The following FTO variants were observed in gnomAD, a reference collection of about 807,000 sequenced individuals.
FTO encodes alpha-ketoglutarate-dependent dioxygenase FTO.
Under a neutral mutation model 63.9 loss-of-function variants are expected in FTO, and 47 were observed. The observed-to-expected ratio is 0.74, with a 90% CI of 0.58 to 0.94. FTO has a LOEUF of 0.94. FTO is among the 40% of genes least tolerant of loss of function. FTO has a pLI of 0.00. For synonymous variants in FTO, 207 were observed against 224.4 expected, an observed-to-expected ratio of 0.92 and a Z score of 0.69; for missense variants, 562 against 618.1, an observed-to-expected ratio of 0.91 and a Z score of 0.96.
chr16:53,950,155 TAAAAAAA>T (rs57925273), intron 8 of FTO, among the ~76,000 whole-genome samples: 7,759 of 50,636 alleles, frequency 0.15, 537 homozygotes, highest in Middle Eastern at 0.22. Context: ...TTCACATTTG[TAAAAAAA>T]AAAAAAAAAA....
chr16:54,005,637 T>C (rs1243487893), intron 8 of FTO, among the ~76,000 whole-genome samples: 7 of 152,160 alleles, frequency 4.6e-5, no homozygotes, highest in Admixed American at 1.3e-4. Context: ...CTTACCCAAC[T>C]AGCTCTCATT....
chr16:54,052,319 C>T (rs747268444), intron 8 of FTO, among the ~76,000 whole-genome samples: 7 of 151,894 alleles, frequency 4.6e-5, no homozygotes, highest in Non-Finnish European at 8.8e-5. Flanking sequence ...TCAAACAACT[C>T]GAGGGGGAAA....
At chr16:53,913,284 C>T (rs1056298502) in intron 7 of FTO, among the ~76,000 whole-genome samples, 2 of 152,154 alleles carry the variant, frequency 1.3e-5, no homozygotes, top group South Asian at 2.1e-4. Context: ...CCCTGAAAAG[C>T]GAATTTGATT....
At chr16:53,882,033 C>A (rs2080850812) in intron 6 of FTO, among the ~76,000 whole-genome samples, 1 of 151,948 alleles carries the variant, frequency 6.6e-6, no homozygotes, top group South Asian at 2.1e-4. Flanking sequence ...TCTGCACTTA[C>A]AATGTGTGAA....
intron 7 of FTO, among the ~76,000 whole-genome samples, chr16:53,933,067 A>G (rs2082317861): frequency 6.6e-6 from 1 of 152,230 alleles, no homozygotes; most frequent in African/African-American, 2.4e-5. Context: ...AATAGAAACA[A>G]CAAATGTTCA....
rs397716766 is a variant in FTO, at chr16:53,783,604, T to TATAA, written c.46-26535_46-26534insTAAA. ...GCCTGGGTGACAGAGCAAGACTCCA[T>TATAA]AAAAAAAAAAAAAAAAAAAAAAAGT... On this transcript the variant is annotated intron_variant, in intron 1 of 8. Transcript: ENST00000471389. Among the ~76,000 whole-genome samples, 89 of 68,108 alleles carry TATAA rather than the reference T, an allele frequency of 1.3e-3. 2 individuals are homozygous for TATAA. The East Asian group carries it at 0.028, about 21-fold the overall frequency. 44.7% of individuals were successfully genotyped at this position (68,108 alleles called of 152,430 possible). A position where few individuals can be genotyped will look rare whatever the true frequency, so the allele number is the denominator to read the frequency against.
At chr16:53,998,673 T>G (rs1443841705) in intron 8 of FTO, 3 of 152,262 alleles carry the variant, frequency 2.0e-5, no homozygotes, top group African/African-American at 7.2e-5. Flanking sequence ...TCTATTCTTA[T>G]GTTCCTCATG....
intron 8 of FTO, among the ~76,000 whole-genome samples, chr16:53,951,700 T>C (rs2082805129): frequency 6.6e-6 from 1 of 152,210 alleles, no homozygotes; most frequent in Non-Finnish European, 1.5e-5. Flanking sequence ...TCTCAAAAAC[T>C]GATTCCTCCT....
At position 53,888,875 on chromosome 16, in the gene FTO, G is replaced by A. The variant is rs780342015; in HGVS notation, c.1163G>A (p.Arg388Gln). 4.3e-6 allele frequency: 7 copies of A among 1,613,966 alleles called. No individual in the cohort carries two copies. Among genetic ancestry groups the A allele is most frequent in the Admixed American group, 1.7e-5 (1 of 60,028 alleles). Reference sequence around the variant, plus strand: ...AGGCAGTTTTGGTTTCAAGGCAATCGATACAGAAAGTGCACTGACTGGTGG... The same window carrying A: ...AGGCAGTTTTGGTTTCAAGGCAATCAATACAGAAAGTGCACTGACTGGTGG... Reference protein sequence around the residue: ...WLRQFWFQGNRYRKCTDWWCQ... With the variant: ...WLRQFWFQGNQYRKCTDWWCQ... Residue 388 changes from arginine to glutamine, a missense_variant, in exon 7 of 9, where the codon CGA becomes CAA. By Grantham distance (43) the Arg-to-Gln change is conservative. Coordinates refer to ENST00000471389, the MANE Select transcript of FTO (RefSeq NM_001080432.3).
intron 3 of FTO, among the ~76,000 whole-genome samples, chr16:53,826,842 A>G (rs2079020988): frequency 6.6e-6 from 1 of 152,222 alleles, no homozygotes; most frequent in South Asian, 2.1e-4. Context: ...GAGATTGTAC[A>G]GTTGCTATAA....
At chr16:53,708,226 A>C (rs1320031422) in intron 1 of FTO, among the ~76,000 whole-genome samples, 1 of 152,086 alleles carries the variant, frequency 6.6e-6, no homozygotes, top group East Asian at 1.9e-4. Flanking sequence ...ATTAGCCAGG[A>C]GTGGTGGCAC....
chr16:53,739,424 C>T (rs1307373679), intron 1 of FTO, among the ~76,000 whole-genome samples: 1 of 150,776 alleles, frequency 6.6e-6, no homozygotes, highest in Non-Finnish European at 1.5e-5. Context: ...CCGTGTTAGC[C>T]AGGATGGTCT....
At chr16:53,912,580 C>T (rs763049213) in intron 7 of FTO, among the ~76,000 whole-genome samples, 4 of 151,782 alleles carry the variant, frequency 2.6e-5, no homozygotes, top group Non-Finnish European at 5.9e-5. Flanking sequence ...CAAATGGTTC[C>T]CACTCGCCGT....
intron 8 of FTO, among the ~76,000 whole-genome samples, chr16:53,990,655 T>TTTTTTATTTTATTTTA (rs2083786774): frequency 6.9e-6 from 1 of 144,538 alleles, no homozygotes; most frequent in African/African-American, 2.7e-5. Context: ...TTTCCTTTTC[T>TTTTTTATTTTATTTTA]TTTTATTTTA....
At chr16:53,775,522 A>G (rs2077439309) in intron 1 of FTO, among the ~76,000 whole-genome samples, 1 of 152,170 alleles carries the variant, frequency 6.6e-6, no homozygotes, top group Admixed American at 6.5e-5. Context: ...AACAACAAAT[A>G]ACAAACATCC....
chr16:53,834,869 C>G (rs1430412793), intron 3 of FTO, among the ~76,000 whole-genome samples: 2 of 152,236 alleles, frequency 1.3e-5, no homozygotes, highest in African/African-American at 4.8e-5. Context: ...TTACCTAGCT[C>G]TCTTCTTTCT....
intron 8 of FTO, among the ~76,000 whole-genome samples, chr16:54,041,499 C>T (rs137978143): frequency 0.01 from 1,567 of 152,200 alleles, 33 homozygotes; most frequent in African/African-American, 0.036. Context: ...ACCCACCTAG[C>T]GATTCAAAGA....
At chr16:53,822,885 ACT>A (rs954066284) in intron 2 of FTO, among the ~76,000 whole-genome samples, 5 of 151,506 alleles carry the variant, frequency 3.3e-5, no homozygotes, top group Admixed American at 1.3e-4. Context: ...TTGGTTATTC[ACT>A]CTCTCTGCAT....
At chr16:53,953,641 T>G (rs952387294) in intron 8 of FTO, among the ~76,000 whole-genome samples, 3 of 152,226 alleles carry the variant, frequency 2.0e-5, no homozygotes, top group Non-Finnish European at 4.4e-5. Flanking sequence ...CCATAACAAC[T>G]GCAAACTTTT....
Sources: gnomAD v4.1 joint callset for allele counts (sites outside exome capture counted in the v4.1 genomes callset) on GRCh38, gnomAD v4.1.1 for gene constraint, MANE v1.5 for transcripts, NCBI Gene and HGNC (gene_info 2026-07-23, HGNC 2026-07-21) for gene names.